ZNF250: variants seen among roughly 807,000 people sequenced by gnomAD.
ZNF250 encodes the protein zinc finger protein (clone 647).
In ZNF250, 13 loss-of-function variants were observed where a neutral mutation model predicts 37.1. The observed-to-expected ratio is 0.35, with a 90% CI of 0.23 to 0.56. The LOEUF is 0.56. ZNF250 is among the 20% of genes least tolerant of loss of function. The pLI is 0.87. For missense variants in ZNF250, 474 were observed against 697.9 expected (o/e 0.68, Z 3.61); for synonymous variants, 251 against 265.6 (o/e 0.94, Z 0.54).
chr8:144,886,722 A>C (rs943314617), intron 5 of ZNF250, 118 bp downstream of exon 5: 1 of 791,110 alleles, frequency 1.3e-6, no homozygotes, highest in Admixed American at 2.7e-5. Context: ...TTTTGTAGCA[A>C]TTGTGTGAGT....
intron 1 of ZNF250, among the ~76,000 whole-genome samples, chr8:144,892,081 A>G (rs1214313886): frequency 6.6e-6 from 1 of 152,236 alleles, no homozygotes; most frequent in Non-Finnish European, 1.5e-5. Flanking sequence ...ACAATAAACT[A>G]ACTGCCTGCC....
intron 4 of ZNF250, 63 bp from the exon 5 acceptor site, chr8:144,886,965 G>A: frequency 6.8e-7 from 1 of 1,470,310 alleles, no homozygotes; most frequent in Non-Finnish European, 9.5e-7. Context: ...GGAAAATCCT[G>A]GCCGGGCATG....
Position 144,879,853 on chromosome 8 carries a change from G to T in ZNF250, c.*1662C>A, listed in dbSNP as rs1020184752. ...GGCCGAGGCGGGCGGATCACCTGAG[G>T]TCAGGAGTTTGAGACCAGCCTGGCC... On this transcript the variant is annotated 3_prime_UTR_variant, in exon 6 of 6. Coordinates refer to ENST00000417550, the MANE Select transcript of ZNF250 (RefSeq NM_001109689.4). 5.9e-5 allele frequency: 9 copies of T among 152,484 alleles called. No homozygotes were observed. Among genetic ancestry groups the T allele is most frequent in the African/African-American group, 2.2e-4 (9 of 41,570 alleles). The allele number at this position is 152,484 out of a possible 1,614,324, so 9.4% of individuals were successfully genotyped here.
At chr8:144,889,868 C>T (rs1036703341) in intron 3 of ZNF250, 65 bp downstream of exon 3, 14 of 1,537,744 alleles carry the variant, frequency 9.1e-6, no homozygotes, top group African/African-American at 5.5e-5. Flanking sequence ...GGCCCCGTAC[C>T]CTGAGAAGCC....
intron 5 of ZNF250, among the ~76,000 whole-genome samples, chr8:144,884,321 G>A (rs189708567): frequency 1.6e-3 from 242 of 152,248 alleles, no homozygotes; most frequent in African/African-American, 5.5e-3. Context: ...GGACGAGCTC[G>A]GCTCACTGCA....
At position 144,882,222 on chromosome 8, in the gene ZNF250, G is replaced by T. The variant is rs2953878; in HGVS notation, c.961C>A (p.Leu321Met). The T allele has an allele frequency of 2.5e-6, 4 of 1,614,008 alleles. No individual in the cohort carries two copies. The highest frequency in any genetic ancestry group is 1.3e-5 in the African/African-American group (1 of 74,938). ...GTGTGTACCCTCTGGTGGCTCCGCAGAACAGTGCTATGGTTGAAGGCTTTC... is the reference window on the plus strand; with the variant it reads ...GTGTGTACCCTCTGGTGGCTCCGCATAACAGTGCTATGGTTGAAGGCTTTC... ...CGKAFNHSTV[L>M]RSHQRVHTGE... is the part of the protein sequence containing the mutation. The change falls in exon 6 of 6, where the codon CTG becomes ATG. Residue 321 changes from leucine (L) to methionine (M), a missense_variant. Leu to Met is a conservative substitution (Grantham distance 15, BLOSUM62 2). Coordinates refer to ENST00000417550, the MANE Select transcript of ZNF250 (RefSeq NM_001109689.4). This position sits in a 1 kb window ranked among gnomAD's most constrained non-coding sequence, Gnocchi z 5.5.
At chr8:144,892,980 C>A (rs369123489) in intron 1 of ZNF250, among the ~76,000 whole-genome samples, 1 of 151,984 alleles carries the variant, frequency 6.6e-6, no homozygotes, top group South Asian at 2.1e-4. Context: ...CTGCCTCAGC[C>A]TCCCGAGTAG....
At chr8:144,900,991 G>A (rs1049487028) in intron 1 of ZNF250, among the ~76,000 whole-genome samples, 1 of 152,214 alleles carries the variant, frequency 6.6e-6, no homozygotes, top group Non-Finnish European at 1.5e-5. Flanking sequence ...GGCCATCCTG[G>A]CCCTAGGCAC....
Position 144,890,399 on chromosome 8 carries a change from TG to T in ZNF250, c.-51del, listed in dbSNP as rs1832249371. On this transcript the variant is annotated 5_prime_UTR_variant, in exon 2 of 6. Coordinates refer to ENST00000417550, the MANE Select transcript of ZNF250 (RefSeq NM_001109689.4). This position sits in a 1 kb window ranked among gnomAD's most constrained non-coding sequence, Gnocchi z 5.1. ...GGATCACGGAAATTGAAGGAGCCTA[TG>T]GGGCTGAGGAAGAGGAGGGGGCAAG... 18 of 1,441,448 alleles carry T rather than the reference TG, an allele frequency of 1.2e-5. No individual in the cohort carries two copies. The highest frequency in any genetic ancestry group is 1.6e-5 in the Non-Finnish European group (18 of 1,093,302). The allele number at this position is 1,441,448 out of a possible 1,614,324, so 89.3% of individuals were successfully genotyped here.
intron 4 of ZNF250, among the ~76,000 whole-genome samples, chr8:144,888,005 T>C (rs2129763332): frequency 6.6e-6 from 1 of 152,324 alleles, no homozygotes; most frequent in South Asian, 2.1e-4. Context: ...ATGGAGGTGT[T>C]GCCCAAACTG....
intron 5 of ZNF250, among the ~76,000 whole-genome samples, chr8:144,883,953 G>A (rs1586893367): frequency 6.6e-6 from 1 of 151,986 alleles, no homozygotes; most frequent in African/African-American, 2.4e-5. Context: ...ATAGCCCACT[G>A]CAGCCTCAAG....
rs371688410 is a variant in ZNF250 at position 144,890,090 on chromosome 8, C to G, written c.43-31G>C. 465 of 1,604,866 alleles carry G rather than the reference C, an allele frequency of 2.9e-4. No individual in the cohort carries two copies. The highest frequency in any genetic ancestry group is 3.7e-4 in the Non-Finnish European group (434 of 1,175,672). On this transcript the variant is annotated intron_variant, in intron 2 of 5. Coordinates refer to ENST00000417550, the MANE Select transcript of ZNF250 (RefSeq NM_001109689.4). This position sits in a 1 kb window ranked among gnomAD's most constrained non-coding sequence, Gnocchi z 5.1. ...ACGACAGGGGCTGCTGCAGGTAAAA[C>G]CAAATCCTGATGTCTGTGATGGGGA... is the stretch of plus-strand genomic sequence containing the variant.
chr8:144,882,740 C>T lies in ZNF250; in HGVS notation c.443G>A (p.Arg148Lys), dbSNP rs758131813. Residue 148 changes from arginine to lysine, a missense_variant, in exon 6 of 6, where the codon AGG becomes AAG. Arg to Lys is a conservative substitution (Grantham distance 26). Around this residue, in one of 2 missense-constraint regions of ZNF250, gnomAD observed 192 missense variants for 227.5 expected, o/e 0.84. Transcript: ENST00000417550. This position sits in a 1 kb window ranked among gnomAD's most constrained non-coding sequence, Gnocchi z 5.5. ...TVILGKTPLG[R>K]IDQENNETKQ... ...TGTTTCATTATTTTCTTGATCAATC[C>T]TCCCCAAGGGTGTTTTCCCCAGAAT... 6.2e-7 allele frequency: 1 copy of T among 1,614,028 alleles called. No individual in the cohort carries two copies. Among genetic ancestry groups the T allele is most frequent in the Non-Finnish European group, 8.5e-7 (1 of 1,179,886 alleles).
intron 4 of ZNF250, among the ~76,000 whole-genome samples, chr8:144,889,244 C>T (rs952560865): frequency 1.3e-5 from 2 of 152,240 alleles, no homozygotes; most frequent in Admixed American, 1.3e-4. Flanking sequence ...TCTAAATCAT[C>T]AGGTAACTCT....
chr8:144,883,218 A>C (rs1831624005), intron 5 of ZNF250, among the ~76,000 whole-genome samples: 1 of 152,196 alleles, frequency 6.6e-6, no homozygotes, highest in African/African-American at 2.4e-5. Context: ...AGACAGCAGC[A>C]CTTGGGCAGG....
intron 4 of ZNF250, 73 bp downstream of exon 4, chr8:144,889,508 T>C (rs1278359996): frequency 3.2e-6 from 4 of 1,243,358 alleles, no homozygotes; most frequent in Non-Finnish European, 4.6e-6. Flanking sequence ...CGGCACAGTA[T>C]GAACTAGGTC....
At chr8:144,889,555 G>T in intron 4 of ZNF250, 26 bp downstream of exon 4, 2 of 1,588,490 alleles carry the variant, frequency 1.3e-6, no homozygotes, top group Non-Finnish European at 1.7e-6. Flanking sequence ...CCCTCAGTGA[G>T]GGAGGGGCCA....
rs904164895 is a variant in ZNF250 at position 144,878,984 on chromosome 8, A to G, written c.*2531T>C. On this transcript the variant is annotated 3_prime_UTR_variant, in exon 6 of 6. Coordinates refer to ENST00000417550, the MANE Select transcript of ZNF250 (RefSeq NM_001109689.4). ...TCAGTGTACTCAGATCCTCTGAAGT[A>G]ACAAAAATTGTCTCACTTTCTTTCT... 5.3e-5 allele frequency: 8 copies of G among 152,116 alleles called. No homozygotes were observed. The highest frequency in any genetic ancestry group is 9.7e-5 in the African/African-American group (4 of 41,430). 9.4% of individuals were successfully genotyped at this position (152,116 alleles called of 1,614,324 possible).
At chr8:144,900,647 T>C (rs1385772277) in intron 1 of ZNF250, among the ~76,000 whole-genome samples, 1 of 152,158 alleles carries the variant, frequency 6.6e-6, no homozygotes. Context: ...AATAGGGCTC[T>C]AACACAGTAA....
Sources: gnomAD v4.1 joint callset for allele counts (sites outside exome capture counted in the v4.1 genomes callset) on GRCh38, gnomAD v4.1.1 for gene constraint, gnomAD v4.1.1 regional missense constraint, Gnocchi (gnomAD v3.1) non-coding constraint, MANE v1.5 for transcripts, NCBI Gene and HGNC (gene_info 2026-07-23, HGNC 2026-07-21) for gene names.